Variants in URB1 observed in about 807,000 individuals in gnomAD.
URB1 encodes the protein URB1 ribosome biogenesis factor, also known as nucleolar pre-ribosomal-associated protein 1.
Under a neutral mutation model 242.3 loss-of-function variants are expected in URB1, and 197 were observed. The ratio of observed to expected loss-of-function variants is 0.81; its 90% CI spans 0.72 to 0.91. The LOEUF (loss-of-function observed/expected upper bound fraction) is 0.91, where lower values mean the gene tolerates loss of function less well. Ranked by LOEUF, URB1 falls within the 40% of genes least tolerant of loss-of-function variation. The pLI is 0.00. For missense variants in URB1, 2,721 were observed against 2,860.5 expected (o/e 0.95, Z 1.11); for synonymous variants, 1,153 against 1,201.8 (o/e 0.96, Z 0.84).
In URB1 at chr21:32,350,756, G is replaced by T; in HGVS notation, c.2780C>A (p.Ala927Glu). 2 of 1,551,528 alleles carry T rather than the reference G, an allele frequency of 1.3e-6. No homozygotes were observed. The highest frequency in any genetic ancestry group is 1.7e-6 in the Non-Finnish European group (2 of 1,147,006). The change falls in exon 20 of 39, where the codon GCG (alanine) becomes GAG (glutamate). Residue 927 changes from alanine to glutamate, a missense_variant. Coordinates refer to ENST00000382751, the MANE Select transcript of URB1 (RefSeq NM_014825.3). The part of the protein sequence containing the change: ...PHLSMQQVLL[A>E]AKQVLLYLRS... The stretch of plus-strand genomic sequence containing the variant: ...CAGGTAGAGCAACACCTGCTTGGCC[G>T]CGAGCAGGACCTGCTGCATGGACAG...
chr21:32,355,398 T>C, intron 16 of URB1, 51 bp downstream of exon 16: 1 of 1,491,630 alleles, frequency 6.7e-7, no homozygotes, highest in Non-Finnish European at 9.2e-7. Flanking sequence ...GCTAAGAAGT[T>C]AATATAATTA....
intron 33 of URB1, 118 bp downstream of exon 33, chr21:32,322,360 G>A: frequency 1.0e-6 from 1 of 953,598 alleles, no homozygotes; most frequent in South Asian, 1.5e-5. Flanking sequence ...GCCACCGACT[G>A]CACAATCGTG....
intron 7 of URB1, 52 bp from the exon 8 acceptor site, chr21:32,372,683 G>C: frequency 1.3e-6 from 2 of 1,518,076 alleles, no homozygotes; most frequent in East Asian, 4.9e-5. Flanking sequence ...ATACACTTTA[G>C]TAAGAGCTAG....
rs1266076162 is a variant in URB1 at position 32,347,138 on chromosome 21, G to A, written c.3686C>T (p.Ala1229Val). The change falls in exon 22 of 39, where the codon GCG (alanine) becomes GTG (valine). Residue 1229 changes from alanine (A) to valine (V), a missense_variant. Coordinates refer to ENST00000382751, the MANE Select transcript of URB1 (RefSeq NM_014825.3). ...GAGCAGGGCAGCGATGCTGAGGGCCGCCTGTGTGCGCCGGGCCAGGCAGTA... is the reference window on the plus strand; with the variant it reads ...GAGCAGGGCAGCGATGCTGAGGGCCACCTGTGTGCGCCGGGCCAGGCAGTA... ...LDYCLARRTQ[A>V]ALSIAALLLQ... 92 of 1,548,750 alleles carry A rather than the reference G, an allele frequency of 5.9e-5. No homozygotes were observed. Among genetic ancestry groups the A allele is most frequent in the Non-Finnish European group, 7.2e-5 (83 of 1,146,222 alleles).
At chr21:32,374,447 T>C (rs571575485) in intron 6 of URB1, among the ~76,000 whole-genome samples, 32 of 152,310 alleles carry the variant, frequency 2.1e-4, no homozygotes, top group African/African-American at 7.5e-4. Context: ...TCACGGTCCA[T>C]GAACATATTT....
At position 32,324,785 on chromosome 21, in the gene URB1, C is replaced by T. The variant is rs76416402; in HGVS notation, c.5122-183G>A. The stretch of plus-strand genomic sequence containing the variant: ...TTGCCAGCATCTCCGGAACGCTTTT[C>T]GTTTTTATTTTAGGAGTCAGTCAGG... On this transcript the variant is annotated intron_variant, in intron 31 of 38. Coordinates refer to ENST00000382751, the MANE Select transcript of URB1 (RefSeq NM_014825.3). Among the ~76,000 whole-genome samples the T allele has an allele frequency of 8.7e-3, 1,327 of 152,240 alleles. 32 individuals carry two copies. Among genetic ancestry groups the T allele is most frequent in the East Asian group, 0.087 (448 of 5,162 alleles).
At position 32,373,810 on chromosome 21, in the gene URB1, T is replaced by A. The variant is rs1288511286; in HGVS notation, c.751-38A>T. 4 of 1,457,144 alleles carry A rather than the reference T, an allele frequency of 2.7e-6. No homozygotes were observed. In the South Asian group the frequency reaches 4.1e-5, roughly 15 times the overall value. The allele number at this position is 1,457,144 out of a possible 1,614,324, so 90.3% of individuals were successfully genotyped here. Reference sequence around the variant, plus strand: ...TAAAACAAATTATTAAAAAACAAATTATGAAAAAGTTCATGGAATTCAATT... The same window carrying A: ...TAAAACAAATTATTAAAAAACAAATAATGAAAAAGTTCATGGAATTCAATT... On this transcript the variant is annotated intron_variant, in intron 6 of 38. Coordinates refer to ENST00000382751, the MANE Select transcript of URB1 (RefSeq NM_014825.3).
At chr21:32,381,723 T>G (rs1439390845) in intron 4 of URB1, among the ~76,000 whole-genome samples, 3 of 152,210 alleles carry the variant, frequency 2.0e-5, no homozygotes, top group African/African-American at 7.2e-5. Flanking sequence ...CTTTAAAAGG[T>G]CTTTTTCTGT....
intron 30 of URB1, among the ~76,000 whole-genome samples, chr21:32,327,883 T>TA (rs2032848174): frequency 6.6e-6 from 1 of 152,164 alleles, no homozygotes; most frequent in Non-Finnish European, 1.5e-5. Flanking sequence ...CTCATACACA[T>TA]ACAAAAGTTG....
rs527738979 is a variant in URB1 at position 32,326,353 on chromosome 21, A to G, written c.4961-964T>C. On this transcript the variant is annotated intron_variant, in intron 30 of 38. Coordinates refer to ENST00000382751, the MANE Select transcript of URB1 (RefSeq NM_014825.3). ...TACTCCAAATGAGTAATCATGGAAT[A>G]TAACATCAATAAGAGATAGTCCATT... Among the ~76,000 whole-genome samples, 3 of 152,378 alleles carry G rather than the reference A, an allele frequency of 2.0e-5. No individual in the cohort carries two copies. In the South Asian group the frequency reaches 6.2e-4, roughly 32 times the overall value.
At chr21:32,344,157 C>G (rs2033059696) in intron 24 of URB1, among the ~76,000 whole-genome samples, 1 of 152,084 alleles carries the variant, frequency 6.6e-6, no homozygotes, top group Non-Finnish European at 1.5e-5. Context: ...GACACAGATG[C>G]AAAAATTCTT....
intron 10 of URB1, among the ~76,000 whole-genome samples, chr21:32,364,394 CTG>C (rs759378930): frequency 6.6e-6 from 1 of 152,176 alleles, no homozygotes; most frequent in Non-Finnish European, 1.5e-5. Flanking sequence ...CCCTCCGACA[CTG>C]AGATCTGAAA....
rs2032732584 is a variant in URB1, at chr21:32,319,223, T to C, written c.5786A>G (p.His1929Arg). 1.9e-6 allele frequency: 3 copies of C among 1,548,910 alleles called. No individual in the cohort carries two copies. In the East Asian group the frequency reaches 7.4e-5, roughly 38 times the overall value. The part of the protein sequence containing the change: ...FLYVLIVLMK[H>R]LRPTLAPVQL... ...TGGCGGGGGCAGGACTCACCTCAGG[T>C]GCTTCATGAGCACGATGAGAACATA... The change falls in exon 36 of 39, where the codon CAC becomes CGC. Residue 1929 changes from histidine (H) to arginine (R), a missense_variant. Physicochemically the swap from His to Arg is conservative, Grantham distance 29. Transcript: ENST00000382751.
At chr21:32,381,686 C>T (rs541650053) in intron 4 of URB1, among the ~76,000 whole-genome samples, 16 of 152,164 alleles carry the variant, frequency 1.1e-4, no homozygotes, top group Non-Finnish European at 2.2e-4. Context: ...ATGTGTTAGG[C>T]GTGATAATGG....
intron 35 of URB1, among the ~76,000 whole-genome samples, chr21:32,319,778 T>C (rs1236266929): frequency 6.6e-6 from 1 of 152,226 alleles, no homozygotes; most frequent in Non-Finnish European, 1.5e-5. Context: ...CATTCTAATT[T>C]TGGATATTAA....
chr21:32,327,342 GA>G (rs1354803199), intron 30 of URB1, among the ~76,000 whole-genome samples: 1 of 151,706 alleles, frequency 6.6e-6, no homozygotes. Context: ...AGTACTGTAA[GA>G]AAAAAAACTG....
intron 3 of URB1, 138 bp from the exon 4 acceptor site, chr21:32,383,692 CTTT>C (rs1304592223): frequency 1.0e-6 from 1 of 984,896 alleles, no homozygotes; most frequent in Admixed American, 3.8e-5. Flanking sequence ...AAGACATGCT[CTTT>C]TTTTAAGGAA....
Position 32,361,057 on chromosome 21 carries a change from A to C in URB1, c.1706T>G (p.Val569Gly). The C allele has an allele frequency of 6.4e-7, 1 of 1,551,314 alleles. No homozygotes were observed. Among genetic ancestry groups the C allele is most frequent in the Non-Finnish European group, 8.7e-7 (1 of 1,146,912 alleles). ...GTTGTACTGCATGACCACGTGGGGG[A>C]CCACCTTCTGGTAGAGGCATATGAC... The part of the protein sequence containing the change: ...LQVICLYQKV[V>G]PHVVMQYNFD... Residue 569 changes from valine to glycine, a missense_variant, in exon 13 of 39, where the codon GTC becomes GGC. Transcript: ENST00000382751.
At position 32,324,500 on chromosome 21, in the gene URB1, A is replaced by G; in HGVS notation, c.5224T>C (p.Leu1742=). Residue 1742 remains leucine, a synonymous_variant, in exon 32 of 39, where the codon TTG becomes CTG. Transcript: ENST00000382751. ...ATTATGTCAGTGGTACCTGGTTTCA[A>G]AATCTGCAGGGCTGCTTTGGCAATG... The part of the protein sequence containing the change: ...LFIAKAALQI[L]KPEEHMYLKV... The G allele has an allele frequency of 6.4e-7, 1 of 1,551,992 alleles. No individual in the cohort carries two copies. The highest frequency in any genetic ancestry group is 8.7e-7 in the Non-Finnish European group (1 of 1,146,990).
Sources: allele counts gnomAD v4.1 joint callset (sites outside exome capture counted in the v4.1 genomes callset), GRCh38; gene constraint gnomAD v4.1.1; transcripts MANE v1.5; gene names NCBI Gene and HGNC (gene_info 2026-07-23, HGNC 2026-07-21).